Variants in DISP1 observed in about 807,000 individuals in gnomAD.
The protein encoded by DISP1 is protein dispatched homolog 1.
Under a neutral mutation model 37.3 loss-of-function variants are expected in DISP1, and 30 were observed. The ratio of observed to expected loss-of-function variants is 0.80; its 90% CI spans 0.60 to 1.09. The LOEUF (loss-of-function observed/expected upper bound fraction) is 1.09. Ranked by LOEUF, DISP1 falls within the 50% of genes least tolerant of loss-of-function variation. DISP1 has a pLI of 0.00. For synonymous variants in DISP1, 634 were observed against 690.2 expected (o/e 0.92, Z 1.28); for missense variants, 1,598 against 1,879.5 (o/e 0.85, Z 2.77).
chr1:222,841,175 CTT>C (rs1558287104), intron 1 of DISP1, among the ~76,000 whole-genome samples: 1 of 152,144 alleles, frequency 6.6e-6, no homozygotes, highest in African/African-American at 2.4e-5. Context: ...GTAAATTTTT[CTT>C]TTGTTAGCAT....
intron 3 of DISP1, among the ~76,000 whole-genome samples, chr1:222,958,133 C>A (rs1319405406): frequency 1.3e-5 from 2 of 152,178 alleles, no homozygotes; most frequent in Non-Finnish European, 2.9e-5. Flanking sequence ...AGATATCTTT[C>A]TTTTGCCAAA....
At chr1:222,839,577 C>T (rs530396698) in intron 1 of DISP1, among the ~76,000 whole-genome samples, 1 of 152,254 alleles carries the variant, frequency 6.6e-6, no homozygotes, top group East Asian at 1.9e-4. Flanking sequence ...CAGAGATGCT[C>T]TTTAATTTAC....
At chr1:222,826,286 T>A (rs999513218) in intron 1 of DISP1, among the ~76,000 whole-genome samples, 1 of 150,556 alleles carries the variant, frequency 6.6e-6, no homozygotes, top group African/African-American at 2.4e-5. Context: ...TGTAGAAATA[T>A]TCCATTAGTC....
At position 222,977,329 on chromosome 1, in the gene DISP1, C is replaced by T. The variant is rs528446032; in HGVS notation, c.510-5751C>T. Among the ~76,000 whole-genome samples the T allele has an allele frequency of 1.8e-4, 26 of 140,998 alleles. No homozygotes were observed. In the East Asian group the frequency reaches 4.5e-3, roughly 24 times the overall value. 92.5% of individuals were successfully genotyped at this position (140,998 alleles called of 152,430 possible). On this transcript the variant is annotated intron_variant, in intron 3 of 8. Transcript: ENST00000675850. Reference sequence around the variant, plus strand: ...GATTACAGGCATGAGCCACCACGCCCGGTCAGCATATTCTTTTTTTTTTTT... The same window carrying T: ...GATTACAGGCATGAGCCACCACGCCTGGTCAGCATATTCTTTTTTTTTTTT...
At chr1:222,837,918 A>G (rs1667345139) in intron 1 of DISP1, among the ~76,000 whole-genome samples, 1 of 152,212 alleles carries the variant, frequency 6.6e-6, no homozygotes, top group Non-Finnish European at 1.5e-5. Flanking sequence ...CAAATATGAC[A>G]TAATGCATAT....
intron 3 of DISP1, among the ~76,000 whole-genome samples, chr1:222,970,108 T>C (rs1676822446): frequency 6.6e-6 from 1 of 152,228 alleles, no homozygotes; most frequent in Admixed American, 6.5e-5. Flanking sequence ...GAGCACTCTT[T>C]CGTATTTGCT....
chr1:222,878,310 A>T (rs1406946146), intron 1 of DISP1, among the ~76,000 whole-genome samples: 1 of 152,114 alleles, frequency 6.6e-6, no homozygotes, highest in Admixed American at 6.6e-5. Context: ...TTTGCCAATA[A>T]CTGTTCACCC....
intron 1 of DISP1, among the ~76,000 whole-genome samples, chr1:222,920,310 T>G: frequency 6.6e-6 from 1 of 152,300 alleles, no homozygotes; most frequent in Middle Eastern, 3.4e-3. Flanking sequence ...ATCATAAAAG[T>G]AAAATATTAC....
intron 1 of DISP1, among the ~76,000 whole-genome samples, chr1:222,834,962 T>C (rs1558283660): frequency 6.6e-6 from 1 of 152,136 alleles, no homozygotes; most frequent in African/African-American, 2.4e-5. Flanking sequence ...TAATGGTGGG[T>C]ATTATTATTT....
chr1:222,882,321 C>A (rs1436289695), intron 1 of DISP1, among the ~76,000 whole-genome samples: 1 of 152,024 alleles, frequency 6.6e-6, no homozygotes, highest in East Asian at 1.9e-4. Flanking sequence ...CAAATTAATT[C>A]CTTCTTGAAG....
intron 4 of DISP1, among the ~76,000 whole-genome samples, chr1:222,988,882 AC>A (rs1178327575): frequency 6.6e-6 from 1 of 152,012 alleles, no homozygotes; most frequent in African/African-American, 2.4e-5. Context: ...CAAACTCCTG[AC>A]CTCAGGTGAT....
chr1:222,843,008 T>C (rs1005743201), intron 1 of DISP1, among the ~76,000 whole-genome samples: 1 of 152,018 alleles, frequency 6.6e-6, no homozygotes, highest in Non-Finnish European at 1.5e-5. Flanking sequence ...TTAAAAATTA[T>C]TAGAAATTTG....
Position 222,943,208 on chromosome 1 carries a change from C to T in DISP1, c.385C>T (p.Pro129Ser), listed in dbSNP as rs1330371769. Residue 129 changes from proline to serine, a missense_variant, in exon 3 of 9, where the codon CCA (proline) becomes TCA (serine). Coordinates refer to ENST00000675850, the MANE Select transcript of DISP1 (RefSeq NM_001377229.1). The part of the protein sequence containing the change: ...PHSEYSASLC[P>S]NHSPVYQTTC... The stretch of plus-strand genomic sequence containing the variant: ...CTCCGAGTATTCTGCATCTCTTTGT[C>T]CAAATCATTCACCTGTGTATCAGAC... The T allele has an allele frequency of 1.2e-6, 2 of 1,609,928 alleles. No individual in the cohort carries two copies. The highest frequency in any genetic ancestry group is 4.5e-5 in the East Asian group (2 of 44,780).
At chr1:222,865,099 A>G (rs977161073) in intron 1 of DISP1, among the ~76,000 whole-genome samples, 1 of 152,062 alleles carries the variant, frequency 6.6e-6, no homozygotes, top group Non-Finnish European at 1.5e-5. Flanking sequence ...ATGTAATTCA[A>G]ACTAACAACT....
In DISP1 at chr1:222,943,945, G is replaced by A. The variant is rs372359685; in HGVS notation, c.509+613G>A. 3.9e-3 allele frequency among the ~76,000 whole-genome samples: 595 copies of A among 152,166 alleles called. 6 individuals are homozygous for A. Among genetic ancestry groups the A allele is most frequent in the African/African-American group, 0.014 (576 of 41,524 alleles). ...CTCAGGAGGTTGAGGCAGGAGAATC[G>A]CGTGAACCTGGGAGGTGGAGGTTGT... On this transcript the variant is annotated intron_variant, in intron 3 of 8. Transcript: ENST00000675850.
chr1:222,936,677 AAT>A (rs1273098157), intron 2 of DISP1, among the ~76,000 whole-genome samples: 1 of 106,840 alleles, frequency 9.4e-6, no homozygotes. Flanking sequence ...AGGTATATAT[AAT>A]ATATAAAATA....
At chr1:222,876,558 A>T (rs1436517769) in intron 1 of DISP1, among the ~76,000 whole-genome samples, 1 of 152,222 alleles carries the variant, frequency 6.6e-6, no homozygotes, top group African/African-American at 2.4e-5. Context: ...TAATGTCTTT[A>T]TACTGTGGAG....
At position 223,004,797 on chromosome 1, in the gene DISP1, C is replaced by T. The variant is rs1372181516; in HGVS notation, c.3400C>T (p.Leu1134Phe). The change falls in exon 9 of 9, where the codon CTT becomes TTT. Residue 1134 changes from leucine to phenylalanine, a missense_variant. By Grantham distance (22) the Leu-to-Phe change is conservative (BLOSUM62 0). Transcript: ENST00000675850. This position sits in a 1 kb window ranked among gnomAD's most constrained non-coding sequence, Gnocchi z 4.9. ...TFFFQCMCRC[L>F]GPQGTCGQIP... The stretch of plus-strand genomic sequence containing the variant: ...CTTTTTCCAGTGCATGTGCCGGTGC[C>T]TTGGACCACAGGGTACCTGTGGTCA... The T allele has an allele frequency of 2.5e-6, 4 of 1,612,430 alleles. No individual in the cohort carries two copies. Among genetic ancestry groups the T allele is most frequent in the Non-Finnish European group, 3.4e-6 (4 of 1,180,032 alleles).
chr1:222,946,097 G>A (rs1674748627), intron 3 of DISP1, among the ~76,000 whole-genome samples: 1 of 151,806 alleles, frequency 6.6e-6, no homozygotes, highest in South Asian at 2.1e-4. Flanking sequence ...GCCTTGGCCG[G>A]GCGTGGTGGC....
Sources: allele counts gnomAD v4.1 joint callset (sites outside exome capture counted in the v4.1 genomes callset), GRCh38; gene constraint gnomAD v4.1.1; non-coding constraint Gnocchi (gnomAD v3.1); transcripts MANE v1.5; gene names NCBI Gene and HGNC (gene_info 2026-07-23, HGNC 2026-07-21).